The following SRPK2 variants were observed in gnomAD, a reference collection of about 807,000 sequenced individuals.
The protein encoded by SRPK2 is SFRS protein kinase 2.
In SRPK2, 21 loss-of-function variants were observed where a neutral mutation model predicts 90.8. The observed-to-expected ratio is 0.23, with a 90% CI of 0.16 to 0.33. SRPK2 has a LOEUF of 0.33. Among genes scored for constraint, SRPK2 ranks in the 10% least tolerant of loss-of-function variants. The pLI, the probability that SRPK2 is intolerant of heterozygous loss-of-function variation, is 1.00. For missense variants in SRPK2, 620 were observed against 869.0 expected (o/e 0.71, Z 3.60); for synonymous variants, 288 against 311.1 (o/e 0.93, Z 0.78).
intron 2 of SRPK2, among the ~76,000 whole-genome samples, chr7:105,367,678 T>C: frequency 6.6e-6 from 1 of 152,066 alleles, no homozygotes; most frequent in East Asian, 1.9e-4. Flanking sequence ...TTCCATGCAG[T>C]TATGATTTAA....
At chr7:105,343,574 T>C (rs917170641) in intron 2 of SRPK2, among the ~76,000 whole-genome samples, 2 of 152,328 alleles carry the variant, frequency 1.3e-5, no homozygotes, top group African/African-American at 2.4e-5. Flanking sequence ...CACCAGAATA[T>C]AGGCTCCATT....
rs58671941 is a variant in SRPK2 at position 105,281,668 on chromosome 7, TA to T, written c.72-77884del. ...ACACACTGAGACCCTGTTGCTAAGG[TA>T]AAAAAAAAAAAAAGATCCCAAAGCT... On this transcript the variant is annotated intron_variant, in intron 2 of 15. Transcript: ENST00000393651. 2.3e-3 allele frequency among the ~76,000 whole-genome samples: 334 copies of T among 145,410 alleles called. 1 individual carries two copies. The highest frequency in any genetic ancestry group is 5.9e-3 in the African/African-American group (232 of 39,526).
intron 7 of SRPK2, among the ~76,000 whole-genome samples, chr7:105,159,448 CAAAAAAA>C (rs765544583): frequency 0.013 from 428 of 33,146 alleles, 14 homozygotes; most frequent in Middle Eastern, 0.08. Flanking sequence ...ACTCCGTCTC[CAAAAAAA>C]AAAAAAAAAA....
In SRPK2 at chr7:105,203,622, C is replaced by T. The variant is rs758924203; in HGVS notation, c.229+6G>A. On this transcript the variant is annotated splice_donor_region_variant and intron_variant, in intron 3 of 15. Transcript: ENST00000393651. Reference sequence around the variant, plus strand: ...AAGCCCCACACCACCATGCTTGGCACATCACCTTTGCAGTAGTCCGCAGGG... The same window carrying T: ...AAGCCCCACACCACCATGCTTGGCATATCACCTTTGCAGTAGTCCGCAGGG... 8.1e-6 allele frequency: 12 copies of T among 1,483,788 alleles called. No individual in the cohort carries two copies. In the African/African-American group the frequency reaches 1.6e-4, roughly 20 times the overall value. 91.9% of individuals were successfully genotyped at this position (1,483,788 alleles called of 1,614,324 possible).
At chr7:105,368,117 G>C (rs1819285985) in intron 2 of SRPK2, among the ~76,000 whole-genome samples, 1 of 152,114 alleles carries the variant, frequency 6.6e-6, no homozygotes. Context: ...TTCTATTACT[G>C]GTCATGCCTA....
At chr7:105,182,453 CT>C (rs71152944) in intron 3 of SRPK2, among the ~76,000 whole-genome samples, 46,536 of 115,862 alleles carry the variant, frequency 0.4, 7,704 homozygotes, top group East Asian at 0.76. Flanking sequence ...CCCCCCCCGC[CT>C]TTTTTTTTTT....
At chr7:105,166,923 C>T (rs937701909) in intron 6 of SRPK2, among the ~76,000 whole-genome samples, 1 of 152,176 alleles carries the variant, frequency 6.6e-6, no homozygotes, top group Admixed American at 6.5e-5. Context: ...CAAGCGCCAC[C>T]TTGGGATGTG....
rs563071682 is a variant in SRPK2 at position 105,359,231 on chromosome 7, T to C, written c.71+29417A>G. Among the ~76,000 whole-genome samples the C allele has an allele frequency of 2.1e-4, 30 of 141,198 alleles. 1 individual carries two copies. The South Asian group carries it at 6.8e-3, about 32-fold the overall frequency. The allele number at this position is 141,198 out of a possible 152,430, so 92.6% of individuals were successfully genotyped here. A position where few individuals can be genotyped will look rare whatever the true frequency, so the allele number is the denominator to read the frequency against. On this transcript the variant is annotated intron_variant, in intron 2 of 15. Coordinates refer to ENST00000393651, the MANE Select transcript of SRPK2 (RefSeq NM_182692.3). Reference sequence around the variant, plus strand: ...TGGAGTGCAATGGCGCGATCTTGGCTCACTGCAACCTCTGCCTCCCGGGTT... The same window carrying C: ...TGGAGTGCAATGGCGCGATCTTGGCCCACTGCAACCTCTGCCTCCCGGGTT...
intron 7 of SRPK2, among the ~76,000 whole-genome samples, chr7:105,157,385 G>GT (rs1806664690): frequency 6.6e-6 from 1 of 152,160 alleles, no homozygotes; most frequent in Non-Finnish European, 1.5e-5. Context: ...TGATATAACT[G>GT]TGTCAGTCTG....
chr7:105,135,302 GAC>G (rs1375389468), intron 11 of SRPK2, among the ~76,000 whole-genome samples: 2 of 152,204 alleles, frequency 1.3e-5, no homozygotes, highest in East Asian at 3.8e-4. Context: ...CCCCACCGAA[GAC>G]ACTAAAAACC....
intron 2 of SRPK2, among the ~76,000 whole-genome samples, chr7:105,248,436 TAAA>T (rs56040288): frequency 1.5e-4 from 19 of 127,872 alleles, no homozygotes; most frequent in African/African-American, 2.4e-4. Context: ...ACAAAAAATT[TAAA>T]AAAAAAAAAA....
intron 15 of SRPK2, among the ~76,000 whole-genome samples, chr7:105,125,551 G>C (rs1052722358): frequency 3.3e-5 from 5 of 152,150 alleles, no homozygotes; most frequent in African/African-American, 1.2e-4. Flanking sequence ...TGGTAACTTG[G>C]AGTAAAAGAG....
At chr7:105,381,489 A>G (rs1428963150) in intron 2 of SRPK2, among the ~76,000 whole-genome samples, 1 of 152,000 alleles carries the variant, frequency 6.6e-6, no homozygotes, top group Non-Finnish European at 1.5e-5. Flanking sequence ...ACAAAACAAA[A>G]CAAAAACAAA....
chr7:105,258,605 C>A (rs1803722328), intron 2 of SRPK2, among the ~76,000 whole-genome samples: 1 of 152,074 alleles, frequency 6.6e-6, no homozygotes, highest in Admixed American at 6.5e-5. Context: ...AGGCCAATAT[C>A]CACGATGAAC....
At position 105,204,893 on chromosome 7, in the gene SRPK2, T is replaced by C. The variant is rs180691989; in HGVS notation, c.72-1108A>G. The C allele has an allele frequency of 1.4e-4, 57 of 398,870 alleles. No homozygotes were observed. The East Asian group carries it at 3.3e-3, about 23-fold the overall frequency. 24.7% of individuals were successfully genotyped at this position (398,870 alleles called of 1,614,324 possible). A position where few individuals can be genotyped will look rare whatever the true frequency, so the allele number is the denominator to read the frequency against. On this transcript the variant is annotated intron_variant, in intron 2 of 15. Coordinates refer to ENST00000393651, the MANE Select transcript of SRPK2 (RefSeq NM_182692.3). ...GAGAGCAGGTGGAATCTTGGTGTTA[T>C]TGCTAGATTTCCTTTTGGAACACTG...
At chr7:105,343,459 A>T (rs1201276891) in intron 2 of SRPK2, among the ~76,000 whole-genome samples, 1 of 152,166 alleles carries the variant, frequency 6.6e-6, no homozygotes, top group East Asian at 1.9e-4. Context: ...AAAAGTCACC[A>T]TTATTAAGAT....
At chr7:105,139,709 T>A (rs1481643540) in intron 11 of SRPK2, among the ~76,000 whole-genome samples, 2 of 152,228 alleles carry the variant, frequency 1.3e-5, no homozygotes, top group Non-Finnish European at 2.9e-5. Flanking sequence ...AATTTTTCAA[T>A]ATATTATTAT....
intron 13 of SRPK2, among the ~76,000 whole-genome samples, chr7:105,132,012 A>G (rs1802071298): frequency 6.6e-6 from 1 of 152,188 alleles, no homozygotes; most frequent in Non-Finnish European, 1.5e-5. Flanking sequence ...ACCAACTCAC[A>G]GGTTCAGGGT....
chr7:105,163,356 T>C (rs1164570119), intron 6 of SRPK2, among the ~76,000 whole-genome samples: 1 of 152,144 alleles, frequency 6.6e-6, no homozygotes, highest in Non-Finnish European at 1.5e-5. Flanking sequence ...AATGGTGAAA[T>C]CACTGATGCT....
Sources: gnomAD v4.1 joint callset for allele counts (sites outside exome capture counted in the v4.1 genomes callset) on GRCh38, gnomAD v4.1.1 for gene constraint, MANE v1.5 for transcripts, NCBI Gene and HGNC (gene_info 2026-07-23, HGNC 2026-07-21) for gene names.